The following MPV17L2 variants were observed in gnomAD, a reference collection of about 807,000 sequenced individuals.
MPV17L2 encodes the protein mpv17-like protein 2.
MPV17L2 carries 25 observed loss-of-function variants against 24.2 expected under a neutral mutation model. The observed-to-expected ratio is 1.03, with a 90% CI of 0.75 to 1.44. The LOEUF is 1.44. MPV17L2 is among the 40% of genes most tolerant of loss of function. The probability of loss-of-function intolerance (pLI) is 0.00; values close to 1 mark genes in which losing one functional copy is unlikely to be tolerated. For missense variants in MPV17L2, 271 were observed against 276.2 expected, an observed-to-expected ratio of 0.98 and a Z score of 0.13; for synonymous variants, 130 against 121.4, an observed-to-expected ratio of 1.07 and a Z score of -0.46.
At position 18,193,228 on chromosome 19, in the gene MPV17L2, T is replaced by C; in HGVS notation, c.-54T>C. The C allele has an allele frequency of 1.4e-6, 2 of 1,415,934 alleles. No homozygotes were observed. Among genetic ancestry groups the C allele is most frequent in the South Asian group, 3.0e-5 (2 of 66,736 alleles). 87.7% of individuals were successfully genotyped at this position (1,415,934 alleles called of 1,614,324 possible). On this transcript the variant is annotated 5_prime_UTR_variant, in exon 1 of 5. Coordinates refer to ENST00000599612, the MANE Select transcript of MPV17L2 (RefSeq NM_032683.3). The stretch of plus-strand genomic sequence containing the variant: ...TTTGGGATCGACAGTGACTCGCGAC[T>C]GGTCGGCGCGGCGAAAGCAGAGCGG...
intron 2 of MPV17L2, 142 bp from the exon 3 acceptor site, chr19:18,194,635 T>A: frequency 1.5e-6 from 1 of 661,838 alleles, no homozygotes; most frequent in Non-Finnish European, 2.6e-6. Flanking sequence ...CCATCCCATC[T>A]GAAAGTCCCT....
intron 1 of MPV17L2, 151 bp from the exon 2 acceptor site, chr19:18,193,713 G>A (rs1180536594): frequency 4.1e-6 from 6 of 1,455,736 alleles, no homozygotes; most frequent in Non-Finnish European, 5.4e-6. Flanking sequence ...TGTAGTGGAA[G>A]AATGCACGGG....
chr19:18,193,859 T>TA lies in MPV17L2; in HGVS notation c.188-4dup, dbSNP rs1347015841. ...GACCCAGCCCCCTGACTTACACTCT[T>TA]ATAGCGAGCATGTTTGCGGTGGGCT... On this transcript the variant is annotated splice_polypyrimidine_tract_variant and splice_region_variant and intron_variant, in intron 1 of 4. Coordinates refer to ENST00000599612, the MANE Select transcript of MPV17L2 (RefSeq NM_032683.3). The TA allele has an allele frequency of 1.9e-6, 3 of 1,614,066 alleles. No homozygotes were observed. Among genetic ancestry groups the TA allele is most frequent in the Non-Finnish European group, 2.5e-6 (3 of 1,179,954 alleles).
At position 18,193,423 on chromosome 19, in the gene MPV17L2, G is replaced by A; in HGVS notation, c.142G>A (p.Glu48Lys). 2 of 1,561,626 alleles carry A rather than the reference G, an allele frequency of 1.3e-6. No individual in the cohort carries two copies. The highest frequency in any genetic ancestry group is 4.8e-5 in the East Asian group (2 of 41,800). The stretch of plus-strand genomic sequence containing the variant: ...CGGTGATGGCGTGCGCCAGTCCTGG[G>A]AGATCCGCGCCCGGCCCGGCCAGGT... ...AAGDGVRQSWEIRARPGQVFD... is the reference protein window; with the variant it reads ...AAGDGVRQSWKIRARPGQVFD... Residue 48 changes from glutamate (E) to lysine (K), a missense_variant, in exon 1 of 5, where the codon GAG becomes AAG. Transcript: ENST00000599612.
Position 18,196,270 on chromosome 19 carries a change from C to T in MPV17L2, c.*215C>T. 6.6e-7 allele frequency: 1 copy of T among 1,508,096 alleles called. No individual in the cohort carries two copies. Among genetic ancestry groups the T allele is most frequent in the Non-Finnish European group, 8.9e-7 (1 of 1,129,090 alleles). 93.4% of individuals were successfully genotyped at this position (1,508,096 alleles called of 1,614,324 possible). A position where few individuals can be genotyped will look rare whatever the true frequency, so the allele number is the denominator to read the frequency against. ...CACCCATGAAGATGGATGATCATCC[C>T]CTAGCCCTTCTCAGCAGGAACCTCA... On this transcript the variant is annotated 3_prime_UTR_variant, in exon 5 of 5. Transcript: ENST00000599612.
Position 18,195,098 on chromosome 19 carries a change from G to A in MPV17L2, c.564+12G>A. 1 of 1,612,388 alleles carries A rather than the reference G, an allele frequency of 6.2e-7. No individual in the cohort carries two copies. Among genetic ancestry groups the A allele is most frequent in the Non-Finnish European group, 8.5e-7 (1 of 1,178,876 alleles). On this transcript the variant is annotated intron_variant, in intron 4 of 4. Coordinates refer to ENST00000599612, the MANE Select transcript of MPV17L2 (RefSeq NM_032683.3). ...ACTTGAAGTACCGGGTGAGTGTGGA[G>A]GGCATACCAGGCACCCAGGGGACTC...
chr19:18,195,151 A>G (rs1967490712), intron 4 of MPV17L2, 65 bp downstream of exon 4: 3 of 1,565,190 alleles, frequency 1.9e-6, no homozygotes, highest in Admixed American at 3.6e-5. Flanking sequence ...GTGAGCTCCA[A>G]GTGGCAGTGT....
Position 18,193,430 on chromosome 19 carries a change from G to A in MPV17L2, c.149G>A (p.Arg50His). The stretch of plus-strand genomic sequence containing the variant: ...GGCGTGCGCCAGTCCTGGGAGATCC[G>A]CGCCCGGCCCGGCCAGGTTTTCGAC... ...GDGVRQSWEI[R>H]ARPGQVFDPR... is the part of the protein sequence containing the mutation. Residue 50 changes from arginine to histidine, a missense_variant, in exon 1 of 5, where the codon CGC (arginine) becomes CAC (histidine). Transcript: ENST00000599612. 1 of 1,551,780 alleles carries A rather than the reference G, an allele frequency of 6.4e-7. No individual in the cohort carries two copies. The highest frequency in any genetic ancestry group is 2.4e-5 in the East Asian group (1 of 41,500).
Position 18,196,294 on chromosome 19 carries a change from C to A in MPV17L2, c.*239C>A. ...CCCTAGCCCTTCTCAGCAGGAACCTCATGCGACCTGTGACCAAGATGTCCC... is the reference window on the plus strand; with the variant it reads ...CCCTAGCCCTTCTCAGCAGGAACCTAATGCGACCTGTGACCAAGATGTCCC... On this transcript the variant is annotated 3_prime_UTR_variant, in exon 5 of 5. Transcript: ENST00000599612. 1 of 1,485,396 alleles carries A rather than the reference C, an allele frequency of 6.7e-7. No individual in the cohort carries two copies. Among genetic ancestry groups the A allele is most frequent in the Non-Finnish European group, 9.0e-7 (1 of 1,114,784 alleles). The allele number at this position is 1,485,396 out of a possible 1,614,324, so 92.0% of individuals were successfully genotyped here.
chr19:18,194,137 C>T, intron 2 of MPV17L2, 103 bp downstream of exon 2: 1 of 1,329,202 alleles, frequency 7.5e-7, no homozygotes, highest in Non-Finnish European at 1.0e-6. Context: ...AATTTGCCCC[C>T]TGTTTGGGTC....
At position 18,196,062 on chromosome 19, in the gene MPV17L2, T is replaced by A. The variant is rs1967513037; in HGVS notation, c.*7T>A. 6.2e-7 allele frequency: 1 copy of A among 1,614,026 alleles called. No homozygotes were observed. Among genetic ancestry groups the A allele is most frequent in the Admixed American group, 1.7e-5 (1 of 60,000 alleles). Reference sequence around the variant, plus strand: ...GGACACCCGAGCAGACTGAACTGTCTGCTTCCTGGACCAGATGCAAGACTG... The same window carrying A: ...GGACACCCGAGCAGACTGAACTGTCAGCTTCCTGGACCAGATGCAAGACTG... On this transcript the variant is annotated 3_prime_UTR_variant, in exon 5 of 5. Coordinates refer to ENST00000599612, the MANE Select transcript of MPV17L2 (RefSeq NM_032683.3).
Position 18,196,289 on chromosome 19 carries a change from A to C in MPV17L2, c.*234A>C. 6.7e-7 allele frequency: 1 copy of C among 1,489,692 alleles called. No individual in the cohort carries two copies. Among genetic ancestry groups the C allele is most frequent in the South Asian group, 1.2e-5 (1 of 82,752 alleles). The allele number at this position is 1,489,692 out of a possible 1,614,324, so 92.3% of individuals were successfully genotyped here. On this transcript the variant is annotated 3_prime_UTR_variant, in exon 5 of 5. Transcript: ENST00000599612. ...TCATCCCCTAGCCCTTCTCAGCAGG[A>C]ACCTCATGCGACCTGTGACCAAGAT... is the stretch of plus-strand genomic sequence containing the variant.
Position 18,193,235 on chromosome 19 carries a change from C to A in MPV17L2, c.-47C>A. ...TCGACAGTGACTCGCGACTGGTCGG[C>A]GCGGCGAAAGCAGAGCGGCGCGCCG... is the stretch of plus-strand genomic sequence containing the variant. On this transcript the variant is annotated 5_prime_UTR_variant, in exon 1 of 5. Transcript: ENST00000599612. 1 of 1,423,348 alleles carries A rather than the reference C, an allele frequency of 7.0e-7. No individual in the cohort carries two copies. 88.2% of individuals were successfully genotyped at this position (1,423,348 alleles called of 1,614,324 possible). A position where few individuals can be genotyped will look rare whatever the true frequency, so the allele number is the denominator to read the frequency against.
Position 18,196,343 on chromosome 19 carries a change from G to A in MPV17L2, c.*288G>A. ...CCATCCTCAGCACAGGGCCCACTCT[G>A]CCAACCAGTCTCAAGCACCAGCCCC... On this transcript the variant is annotated 3_prime_UTR_variant, in exon 5 of 5. Coordinates refer to ENST00000599612, the MANE Select transcript of MPV17L2 (RefSeq NM_032683.3). 1.4e-6 allele frequency: 2 copies of A among 1,388,982 alleles called. No individual in the cohort carries two copies. The highest frequency in any genetic ancestry group is 2.4e-5 in the South Asian group (2 of 81,856). 86.0% of individuals were successfully genotyped at this position (1,388,982 alleles called of 1,614,324 possible).
chr19:18,194,659 G>A, intron 2 of MPV17L2, 118 bp from the exon 3 acceptor site: 1 of 807,972 alleles, frequency 1.2e-6, no homozygotes, highest in Non-Finnish European at 2.0e-6. Flanking sequence ...CCTCTGCCCG[G>A]GGTGGGCGGC....
chr19:18,195,920 C>A (rs1198659053), intron 4 of MPV17L2, 79 bp from the exon 5 acceptor site: 6 of 1,420,540 alleles, frequency 4.2e-6, no homozygotes, highest in Non-Finnish European at 5.8e-6. Flanking sequence ...GCAGGGCTGA[C>A]CTCTGGCCCA....
Sources: gnomAD v4.1 joint callset for allele counts on GRCh38, gnomAD v4.1.1 for gene constraint, MANE v1.5 for transcripts, NCBI Gene and HGNC (gene_info 2026-07-23, HGNC 2026-07-21) for gene names.